Variants in NAV2 observed in about 807,000 individuals in gnomAD.
NAV2 encodes helicase, APC down-regulated 1.
Under a neutral mutation model 223.2 loss-of-function variants are expected in NAV2, and 54 were observed. The ratio of observed to expected loss-of-function variants is 0.24; its 90% CI spans 0.19 to 0.30. The LOEUF (loss-of-function observed/expected upper bound fraction) is 0.30, where lower values mean the gene tolerates loss of function less well. Among genes scored for constraint, NAV2 ranks in the 10% least tolerant of loss-of-function variants. NAV2 has a pLI of 1.00. For synonymous variants in NAV2, 1,279 were observed against 1,239.3 expected, an observed-to-expected ratio of 1.03 and a Z score of -0.67; for missense variants, 2,806 against 3,147.5, an observed-to-expected ratio of 0.89 and a Z score of 2.60.
chr11:19,687,199 G>A (rs145731749), intron 1 of NAV2, among the ~76,000 whole-genome samples: 111 of 152,294 alleles, frequency 7.3e-4, no homozygotes, highest in African/African-American at 2.5e-3. Context: ...GACAGCGCAG[G>A]CTGTCAGCCC....
At chr11:19,831,434 G>T (rs1590786205) in intron 1 of NAV2, among the ~76,000 whole-genome samples, 1 of 152,036 alleles carries the variant, frequency 6.6e-6, no homozygotes, top group Non-Finnish European at 1.5e-5. Context: ...TAGTACTTGA[G>T]CCTGTTGTCA....
intron 22 of NAV2, among the ~76,000 whole-genome samples, chr11:20,070,336 G>A (rs1267011231): frequency 6.6e-6 from 1 of 152,164 alleles, no homozygotes; most frequent in Non-Finnish European, 1.5e-5. Flanking sequence ...TACTCTCCTA[G>A]TTTAAGAGTT....
chr11:19,799,601 T>G (rs1390028180), intron 1 of NAV2, among the ~76,000 whole-genome samples: 1 of 152,076 alleles, frequency 6.6e-6, no homozygotes, highest in African/African-American at 2.4e-5. Context: ...GGTGAAGAAC[T>G]GCTGGTTCAG....
At chr11:19,733,403 T>C (rs2051994302) in intron 1 of NAV2, among the ~76,000 whole-genome samples, 1 of 152,230 alleles carries the variant, frequency 6.6e-6, no homozygotes, top group Admixed American at 6.5e-5. Context: ...GTCTGTTCAG[T>C]TCTGGAGTCC....
rs550565723 is a variant in NAV2, at chr11:19,603,558, C to T, written c.76-228926C>T. ...AGGAGGATCGCTTGGACCCGGGAGG[C>T]GGAGGTTGCAGTGAGCCAAGATTGC... On this transcript the variant is annotated intron_variant, in intron 1 of 37. Transcript: ENST00000360655. Among the ~76,000 whole-genome samples the T allele has an allele frequency of 1.6e-4, 23 of 142,254 alleles. No homozygotes were observed. In the South Asian group the frequency reaches 2.5e-3, roughly 15 times the overall value. The allele number at this position is 142,254 out of a possible 152,430, so 93.3% of individuals were successfully genotyped here. A position where few individuals can be genotyped will look rare whatever the true frequency, so the allele number is the denominator to read the frequency against.
intron 8 of NAV2, among the ~76,000 whole-genome samples, chr11:19,940,547 G>C (rs185517008): frequency 6.6e-6 from 1 of 152,184 alleles, no homozygotes; most frequent in East Asian, 1.9e-4. Flanking sequence ...GTAAGCCATG[G>C]ATTTATTAGT....
At chr11:19,485,617 C>G (rs998218340) in intron 1 of NAV2, among the ~76,000 whole-genome samples, 2 of 152,194 alleles carry the variant, frequency 1.3e-5, no homozygotes, top group Non-Finnish European at 2.9e-5. Flanking sequence ...ATTCAACAAA[C>G]TCATTCCCAC....
At chr11:19,365,095 A>G in intron 1 of NAV2, among the ~76,000 whole-genome samples, 1 of 152,224 alleles carries the variant, frequency 6.6e-6, no homozygotes. Context: ...CAAGTTTCAC[A>G]GATATGGATG....
At chr11:19,980,282 G>A (rs1469359794) in intron 10 of NAV2, among the ~76,000 whole-genome samples, 2 of 152,194 alleles carry the variant, frequency 1.3e-5, no homozygotes, top group African/African-American at 4.8e-5. Flanking sequence ...GGCAGAACTC[G>A]GGAGGGTAAT....
chr11:19,803,672 A>T (rs1438081898), intron 1 of NAV2, among the ~76,000 whole-genome samples: 1 of 152,260 alleles, frequency 6.6e-6, no homozygotes, highest in Non-Finnish European at 1.5e-5. Flanking sequence ...GGAAACTGTT[A>T]AATGAGCACT....
chr11:20,013,087 T>C (rs1012846734), intron 11 of NAV2, among the ~76,000 whole-genome samples: 4 of 152,232 alleles, frequency 2.6e-5, no homozygotes, highest in African/African-American at 9.6e-5. Context: ...TATGAATAAG[T>C]TGGACCTGGG....
At chr11:20,068,620 C>T (rs776621526) in intron 22 of NAV2, among the ~76,000 whole-genome samples, 6 of 152,228 alleles carry the variant, frequency 3.9e-5, no homozygotes, top group African/African-American at 7.2e-5. Flanking sequence ...ATCTGTGTAA[C>T]GAGGGTGATA....
chr11:19,431,707 G>C (rs1020686331), intron 1 of NAV2, among the ~76,000 whole-genome samples: 3 of 152,176 alleles, frequency 2.0e-5, no homozygotes, highest in Admixed American at 2.0e-4. Context: ...ATAGAATTTA[G>C]ATTAAGAGCA....
intron 22 of NAV2, among the ~76,000 whole-genome samples, chr11:20,076,699 G>A (rs1278379053): frequency 1.3e-5 from 2 of 152,222 alleles, no homozygotes; most frequent in African/African-American, 4.8e-5. Flanking sequence ...TACCCTTGAA[G>A]AGAGTTGCAG....
intron 1 of NAV2, among the ~76,000 whole-genome samples, chr11:19,668,781 C>T (rs1184798430): frequency 6.6e-6 from 1 of 152,078 alleles, no homozygotes; most frequent in African/African-American, 2.4e-5. Flanking sequence ...CACATCAGCT[C>T]ATCTGCTTGC....
intron 1 of NAV2, among the ~76,000 whole-genome samples, chr11:19,397,885 G>A (rs1214845795): frequency 6.6e-6 from 1 of 152,114 alleles, no homozygotes; most frequent in East Asian, 1.9e-4. Context: ...CTGCAGTAGG[G>A]GAGGGGAAAA....
intron 1 of NAV2, among the ~76,000 whole-genome samples, chr11:19,364,915 C>A (rs114346469): frequency 1.2e-4 from 18 of 152,322 alleles, no homozygotes; most frequent in African/African-American, 4.1e-4. Context: ...GCTAGGTTTA[C>A]CCATACAACA....
chr11:19,539,654 G>T (rs929234620), intron 1 of NAV2, among the ~76,000 whole-genome samples: 20 of 152,020 alleles, frequency 1.3e-4, no homozygotes, highest in Non-Finnish European at 2.8e-4. Flanking sequence ...AAGATTGAAG[G>T]CCACTGAGAC....
At chr11:19,821,262 A>C (rs2059366460) in intron 1 of NAV2, among the ~76,000 whole-genome samples, 28 of 4,352 alleles carry the variant, frequency 6.4e-3, no homozygotes, top group Admixed American at 0.038. Flanking sequence ...ACTCTGTCTC[A>C]AAAAAAAAAA....
Sources: allele counts gnomAD v4.1 joint callset (sites outside exome capture counted in the v4.1 genomes callset), GRCh38; gene constraint gnomAD v4.1.1; transcripts MANE v1.5; gene names NCBI Gene and HGNC (gene_info 2026-07-23, HGNC 2026-07-21).